TENM2: variants seen among roughly 807,000 people sequenced by gnomAD.
The protein encoded by TENM2 is teneurin transmembrane protein 2.
TENM2 carries 52 observed loss-of-function variants against 245.2 expected under a neutral mutation model. That is an observed-to-expected ratio of 0.21 (90% CI 0.17 to 0.27). The LOEUF is 0.27. TENM2 is among the 10% of genes least tolerant of loss of function. The probability of loss-of-function intolerance (pLI) is 1.00; values close to 1 mark genes in which losing one functional copy is unlikely to be tolerated. For synonymous variants in TENM2, 1,363 were observed against 1,438.9 expected, an observed-to-expected ratio of 0.95 and a Z score of 1.19; for missense variants, 3,046 against 3,666.8, an observed-to-expected ratio of 0.83 and a Z score of 4.37.
intron 2 of TENM2, among the ~76,000 whole-genome samples, chr5:167,827,792 G>A (rs1374466367): frequency 1.3e-5 from 2 of 152,080 alleles, no homozygotes; most frequent in African/African-American, 4.8e-5. Context: ...TCCAACCTCT[G>A]GACAATGAAC....
the TENM2 span, among the ~76,000 whole-genome samples, chr5:167,079,247 G>A: frequency 2.9e-5 from 4 of 138,996 alleles, no homozygotes; most frequent in Non-Finnish European, 6.1e-5. Context: ...CTCTCTCTAC[G>A]TATATACATC....
chr5:167,473,115 G>A (rs985365066), intron 2 of TENM2, among the ~76,000 whole-genome samples: 1 of 152,058 alleles, frequency 6.6e-6, no homozygotes, highest in African/African-American at 2.4e-5. Context: ...TCTGTGTAGT[G>A]CTTTTTTCCA....
chr5:167,939,205 G>A (rs978469598), intron 3 of TENM2, among the ~76,000 whole-genome samples: 2 of 152,172 alleles, frequency 1.3e-5, no homozygotes, highest in Admixed American at 1.3e-4. Context: ...GGAAGAGGGG[G>A]ATGGTTTCGG....
At chr5:167,999,676 T>C (rs904591851) in intron 5 of TENM2, among the ~76,000 whole-genome samples, 4 of 152,228 alleles carry the variant, frequency 2.6e-5, no homozygotes, top group African/African-American at 9.6e-5. Context: ...TCTGGGGGAC[T>C]TGAAGTGCTT....
At chr5:167,150,331 C>A in the TENM2 span, among the ~76,000 whole-genome samples, 1 of 152,098 alleles carries the variant, frequency 6.6e-6, no homozygotes, top group South Asian at 2.1e-4. Flanking sequence ...AAGATTGTTA[C>A]AAGCTTGTTT....
chr5:167,124,983 C>T, the TENM2 span, among the ~76,000 whole-genome samples: 5 of 152,176 alleles, frequency 3.3e-5, no homozygotes, highest in African/African-American at 7.2e-5. Flanking sequence ...CACCGTGGAA[C>T]TAGGTATGTG....
intron 2 of TENM2, among the ~76,000 whole-genome samples, chr5:167,404,783 G>A (rs1218190882): frequency 2.0e-5 from 3 of 152,068 alleles, no homozygotes; most frequent in Admixed American, 6.6e-5. Flanking sequence ...GCATGATTAA[G>A]ACATAATTCA....
intron 4 of TENM2, among the ~76,000 whole-genome samples, chr5:167,982,215 C>G (rs542682339): frequency 6.6e-6 from 1 of 152,240 alleles, no homozygotes; most frequent in East Asian, 1.9e-4. Flanking sequence ...CCTCAGACTT[C>G]TCCTCAATCC....
At chr5:167,990,608 G>T (rs1449241766) in intron 4 of TENM2, among the ~76,000 whole-genome samples, 1 of 152,166 alleles carries the variant, frequency 6.6e-6, no homozygotes, top group Non-Finnish European at 1.5e-5. Flanking sequence ...GTGCTACAAT[G>T]CTGTCATGAA....
At chr5:168,050,336 T>C (rs1298448212) in intron 6 of TENM2, among the ~76,000 whole-genome samples, 2 of 152,188 alleles carry the variant, frequency 1.3e-5, no homozygotes, top group African/African-American at 2.4e-5. Flanking sequence ...TGGGTTTGAA[T>C]TTGTATACCC....
chr5:167,969,683 A>T (rs1781628687), intron 4 of TENM2, among the ~76,000 whole-genome samples: 2 of 152,174 alleles, frequency 1.3e-5, no homozygotes, highest in African/African-American at 4.8e-5. Context: ...CATCGCTGTT[A>T]TGTAGGCCTC....
chr5:166,982,791 T>G, the TENM2 span, among the ~76,000 whole-genome samples: 49 of 149,732 alleles, frequency 3.3e-4, no homozygotes, highest in South Asian at 3.2e-3. Flanking sequence ...ATGTTTTTTT[T>G]GGGGGGGGGA....
intron 2 of TENM2, among the ~76,000 whole-genome samples, chr5:167,834,562 T>G (rs1451318246): frequency 1.3e-5 from 2 of 151,962 alleles, no homozygotes; most frequent in East Asian, 3.9e-4. Flanking sequence ...ATTGTTTCCA[T>G]GAAAGAAAGA....
At chr5:167,767,889 G>A (rs931476550) in intron 2 of TENM2, among the ~76,000 whole-genome samples, 3 of 152,166 alleles carry the variant, frequency 2.0e-5, no homozygotes, top group African/African-American at 4.8e-5. Context: ...TGCATGACAA[G>A]GAGAGCTTTA....
At chr5:167,773,579 G>A (rs1229139587) in intron 2 of TENM2, among the ~76,000 whole-genome samples, 8 of 152,120 alleles carry the variant, frequency 5.3e-5, no homozygotes. Flanking sequence ...TGGAATTTGG[G>A]GTGTTGGGTG....
intron 13 of TENM2, among the ~76,000 whole-genome samples, chr5:168,176,760 T>A (rs1759397811): frequency 6.6e-6 from 1 of 152,200 alleles, no homozygotes; most frequent in African/African-American, 2.4e-5. Context: ...TCACGAGAAG[T>A]GTTTGGGATC....
At chr5:167,728,338 C>T (rs2150546464) in intron 2 of TENM2, among the ~76,000 whole-genome samples, 1 of 152,052 alleles carries the variant, frequency 6.6e-6, no homozygotes, top group East Asian at 1.9e-4. Context: ...CATGATGGCT[C>T]ACGCCTGTAA....
chr5:167,694,937 G>A (rs1020802062), intron 2 of TENM2, among the ~76,000 whole-genome samples: 2 of 152,212 alleles, frequency 1.3e-5, no homozygotes, highest in African/African-American at 4.8e-5. Context: ...TACTTCTGTT[G>A]ACATTCCAGT....
chr5:168,036,777 G>GTA (rs1345219384), intron 5 of TENM2, among the ~76,000 whole-genome samples: 10 of 147,970 alleles, frequency 6.8e-5, no homozygotes, highest in East Asian at 3.9e-4. Flanking sequence ...ATACGTATGT[G>GTA]TATATATATA....
Sources: allele counts gnomAD v4.1 joint callset (sites outside exome capture counted in the v4.1 genomes callset), GRCh38; gene constraint gnomAD v4.1.1; transcripts MANE v1.5; gene names NCBI Gene and HGNC (gene_info 2026-07-23, HGNC 2026-07-21).